Variants in SARDH observed in about 807,000 individuals in gnomAD.
The protein encoded by SARDH is sarcosine dehydrogenase, also known as sarcosine dehydrogenase, mitochondrial.
Under a neutral mutation model 109.1 loss-of-function variants are expected in SARDH, and 95 were observed. The observed-to-expected ratio is 0.87, with a 90% confidence interval of 0.74 to 1.03. SARDH has a LOEUF of 1.03. SARDH is among the 50% of genes least tolerant of loss of function. SARDH has a pLI of 0.00. For missense variants in SARDH, 1,267 were observed against 1,287.8 expected (o/e 0.98, Z 0.25); for synonymous variants, 572 against 534.8 (o/e 1.07, Z -0.96).
At position 133,693,486 on chromosome 9, in the gene SARDH, G is replaced by A. The variant is rs1043622193; in HGVS notation, c.1921+772C>T. Among the ~76,000 whole-genome samples, 1 of 152,176 alleles carries A rather than the reference G, an allele frequency of 6.6e-6. No individual in the cohort carries two copies. Among genetic ancestry groups the A allele is most frequent in the Admixed American group, 6.5e-5 (1 of 15,288 alleles). The stretch of plus-strand genomic sequence containing the variant: ...TCCCCGCTGACTGTGCCCCTGCCCC[G>A]GGGACAGCACAGAGAGCTGCACGGT... On this transcript the variant is annotated intron_variant, in intron 15 of 20. Coordinates refer to ENST00000439388, the MANE Select transcript of SARDH (RefSeq NM_001134707.2). The surrounding 1 kb of genome is among the most constrained non-coding windows in gnomAD (Gnocchi z 5.6).
chr9:133,668,326 TCTCCCTCTCCCTCATTCTCCCTCACC>T (rs1830157182), intron 19 of SARDH, among the ~76,000 whole-genome samples: 1 of 29,108 alleles, frequency 3.4e-5, no homozygotes, highest in Non-Finnish European at 6.6e-5. Flanking sequence ...CCACCCTCCC[TCTCCCTCTCCCTCATTCTCCCTCACC>T]CTCCCTCTCC....
chr9:133,701,505 C>G (rs529300876), intron 13 of SARDH, among the ~76,000 whole-genome samples: 57 of 152,370 alleles, frequency 3.7e-4, no homozygotes, highest in African/African-American at 9.6e-4. Context: ...AGAACAAGCA[C>G]GTGTTTCGTG....
chr9:133,662,754 G>A (rs1564219358), downstream of SARDH, among the ~76,000 whole-genome samples: 1 of 152,174 alleles, frequency 6.6e-6, no homozygotes, highest in East Asian at 1.9e-4. This position sits in a 1 kb window ranked among gnomAD's most constrained non-coding sequence, Gnocchi z 5.1. Context: ...CCGGCTCCAC[G>A]ATACCCTCAA....
chr9:133,696,138 C>T, intron 14 of SARDH, 85 bp downstream of exon 14: 1 of 1,550,904 alleles, frequency 6.4e-7, no homozygotes, highest in Non-Finnish European at 8.8e-7. Context: ...CCCGAGGGGA[C>T]AGGGTGGCTT....
At position 133,670,733 on chromosome 9, in the gene SARDH, C is replaced by T. The variant is rs147854817; in HGVS notation, c.2346G>A (p.Ala782=). 7.3e-3 allele frequency: 11,639 copies of T among 1,588,182 alleles called. 67 individuals are homozygous for T. The highest frequency in any genetic ancestry group is 9.1e-3 in the Non-Finnish European group (10,685 of 1,168,452). Residue 782 remains alanine (A), a synonymous_variant, in exon 19 of 21, where the codon GCG becomes GCA. Coordinates refer to ENST00000439388, the MANE Select transcript of SARDH (RefSeq NM_001134707.2). ...GGGGGCTGTCGTCTGGCCGCAGGTC[C>T]GCGTGCCAGTGCCGGTAGCCTGTGG... The part of the protein sequence containing the change: ...SIEKGYRHWH[A]DLRPDDSPLE...
rs964012503 is a variant in SARDH at position 133,692,566 on chromosome 9, C to T, written c.1921+1692G>A. On this transcript the variant is annotated intron_variant, in intron 15 of 20. Transcript: ENST00000439388. This position sits in a 1 kb window ranked among gnomAD's most constrained non-coding sequence, Gnocchi z 5.0. ...GGAAGCCTTGCTCATCCCGGCTCGGCGGCTTCACATGGCCTTCCCTAACAC... is the reference window on the plus strand; with the variant it reads ...GGAAGCCTTGCTCATCCCGGCTCGGTGGCTTCACATGGCCTTCCCTAACAC... Among the ~76,000 whole-genome samples the T allele has an allele frequency of 4.6e-5, 7 of 152,170 alleles. No homozygotes were observed. The highest frequency in any genetic ancestry group is 6.5e-5 in the Admixed American group (1 of 15,286).
At chr9:133,703,973 C>G (rs1273398986) in intron 12 of SARDH, among the ~76,000 whole-genome samples, 1 of 152,126 alleles carries the variant, frequency 6.6e-6, no homozygotes, top group African/African-American at 2.4e-5. Context: ...GTTCCTGACT[C>G]TCCTCTCCTC....
intron 17 of SARDH, among the ~76,000 whole-genome samples, chr9:133,681,378 C>T (rs747749994): frequency 7.9e-5 from 12 of 152,222 alleles, no homozygotes; most frequent in Non-Finnish European, 1.6e-4. Context: ...TGGTTCTTGC[C>T]AACACTCAGT....
At chr9:133,723,943 T>C (rs1832407409) in intron 6 of SARDH, among the ~76,000 whole-genome samples, 1 of 152,050 alleles carries the variant, frequency 6.6e-6, no homozygotes, top group African/African-American at 2.4e-5. Context: ...AAAATTTAAC[T>C]TGAGATGGAT....
At chr9:133,698,019 AAAG>A (rs1485212560) in intron 13 of SARDH, among the ~76,000 whole-genome samples, 11 of 150,788 alleles carry the variant, frequency 7.3e-5, no homozygotes, top group Admixed American at 2.6e-4. Context: ...TAAAAAAAAA[AAAG>A]AAAAAAAAGA....
intron 1 of SARDH, among the ~76,000 whole-genome samples, chr9:133,735,769 C>T (rs1464938479): frequency 1.3e-5 from 2 of 152,206 alleles, no homozygotes; most frequent in African/African-American, 4.8e-5. Flanking sequence ...TGAGGCCGGG[C>T]TCTGTGGCTC....
chr9:133,674,953 A>C (rs1830466502), intron 17 of SARDH, among the ~76,000 whole-genome samples: 4 of 152,216 alleles, frequency 2.6e-5, no homozygotes, highest in African/African-American at 9.6e-5. Context: ...GATGGGAGAG[A>C]ACATTTGCAA....
Position 133,697,959 on chromosome 9 carries a change from C to G in SARDH, c.1669-1598G>C, listed in dbSNP as rs542590527. Among the ~76,000 whole-genome samples the G allele has an allele frequency of 4.5e-5, 6 of 132,990 alleles. No homozygotes were observed. In the East Asian group the frequency reaches 1.2e-3, roughly 26 times the overall value. The allele number at this position is 132,990 out of a possible 152,430, so 87.2% of individuals were successfully genotyped here. A position where few individuals can be genotyped will look rare whatever the true frequency, so the allele number is the denominator to read the frequency against. ...TCAGAAAAGAAGAAATAAAAACATC[C>G]CTATTTGCCAAAACAGTATCTTGTA... On this transcript the variant is annotated intron_variant, in intron 13 of 20. Transcript: ENST00000439388.
chr9:133,671,249 A>C (rs1333866480), intron 18 of SARDH, among the ~76,000 whole-genome samples: 1 of 152,052 alleles, frequency 6.6e-6, no homozygotes, highest in African/African-American at 2.4e-5. Flanking sequence ...CCTGACCCCC[A>C]GGTGTCAGGC....
chr9:133,695,850 C>T (rs1312052142), intron 14 of SARDH, among the ~76,000 whole-genome samples: 2 of 152,144 alleles, frequency 1.3e-5, no homozygotes, highest in Non-Finnish European at 2.9e-5. Flanking sequence ...TCAAATGTAG[C>T]TTAGCATCCT....
upstream of SARDH, among the ~76,000 whole-genome samples, chr9:133,738,716 T>C (rs1588467000): frequency 6.6e-6 from 1 of 152,210 alleles, no homozygotes; most frequent in Non-Finnish European, 1.5e-5. Context: ...CAGCAGCAGC[T>C]TGGGCCAGGG....
downstream of SARDH, among the ~76,000 whole-genome samples, chr9:133,661,673 A>G (rs1832417115): frequency 6.6e-6 from 1 of 151,814 alleles, no homozygotes; most frequent in African/African-American, 2.4e-5. Context: ...TAGAGATGAG[A>G]CTTCACCATA....
At chr9:133,681,873 C>T (rs1475250215) in intron 17 of SARDH, among the ~76,000 whole-genome samples, 1 of 152,154 alleles carries the variant, frequency 6.6e-6, no homozygotes, top group Non-Finnish European at 1.5e-5. Flanking sequence ...ATCGCGCACG[C>T]CAGTTGACGC....
At chr9:133,691,252 C>T (rs537069890) in intron 15 of SARDH, among the ~76,000 whole-genome samples, 5 of 151,976 alleles carry the variant, frequency 3.3e-5, no homozygotes, top group African/African-American at 1.2e-4. Context: ...AGTGGCCCCC[C>T]CAGTCTGCAG....
Sources: gnomAD v4.1 joint callset for allele counts (sites outside exome capture counted in the v4.1 genomes callset) on GRCh38, gnomAD v4.1.1 for gene constraint, Gnocchi (gnomAD v3.1) non-coding constraint, MANE v1.5 for transcripts, NCBI Gene and HGNC (gene_info 2026-07-23, HGNC 2026-07-21) for gene names.